The following PTPRG variants were observed in gnomAD, a reference collection of about 807,000 sequenced individuals.
The protein encoded by PTPRG is protein tyrosine phosphatase receptor type G.
Under a neutral mutation model 165.3 loss-of-function variants are expected in PTPRG, and 102 were observed. The ratio of observed to expected loss-of-function variants is 0.62; its 90% CI spans 0.53 to 0.73. The LOEUF is 0.73. Ranked by LOEUF, PTPRG falls within the 30% of genes least tolerant of loss-of-function variation. The pLI, the probability that PTPRG is intolerant of heterozygous loss-of-function variation, is 0.00. For synonymous variants in PTPRG, 675 were observed against 669.5 expected (o/e 1.01, Z -0.13); for missense variants, 1,866 against 1,861.4 (o/e 1.00, Z -0.05).
intron 2 of PTPRG, among the ~76,000 whole-genome samples, chr3:61,913,523 G>C (rs548024722): frequency 5.9e-5 from 9 of 152,032 alleles, no homozygotes; most frequent in Non-Finnish European, 1.3e-4. Flanking sequence ...CCGGCCGAGG[G>C]ACACCTTTTT....
At chr3:62,076,494 TTTTGTTTG>T (rs202043848) in intron 4 of PTPRG, among the ~76,000 whole-genome samples, 92 of 151,850 alleles carry the variant, frequency 6.1e-4, no homozygotes, top group South Asian at 5.6e-3. Flanking sequence ...GTCTGGTTTT[TTTTGTTTG>T]TTTGTTTGTT....
At chr3:61,741,195 G>T (rs188937173) in intron 1 of PTPRG, among the ~76,000 whole-genome samples, 2 of 152,284 alleles carry the variant, frequency 1.3e-5, no homozygotes, top group African/African-American at 4.8e-5. Flanking sequence ...CCATCCTTGA[G>T]GGATCTTTAA....
At chr3:61,913,118 A>G (rs532317168) in intron 2 of PTPRG, among the ~76,000 whole-genome samples, 4 of 152,190 alleles carry the variant, frequency 2.6e-5, no homozygotes, top group Non-Finnish European at 5.9e-5. Context: ...ATATGGATGT[A>G]TTGCATAATG....
chr3:61,603,105 A>C (rs1054989781), intron 1 of PTPRG, among the ~76,000 whole-genome samples: 1 of 152,216 alleles, frequency 6.6e-6, no homozygotes, highest in African/African-American at 2.4e-5. Context: ...CATGGAAATC[A>C]GCAAACACTA....
chr3:62,268,905 C>G (rs1271519047), intron 19 of PTPRG, 130 bp from the exon 20 acceptor site: 5 of 1,035,782 alleles, frequency 4.8e-6, no homozygotes, highest in Non-Finnish European at 6.6e-6. Flanking sequence ...CAGTTAAACT[C>G]ACGTATTCCT....
chr3:62,093,817 G>C (rs1702022879), intron 5 of PTPRG, among the ~76,000 whole-genome samples: 1 of 152,188 alleles, frequency 6.6e-6, no homozygotes, highest in Admixed American at 6.5e-5. Context: ...CATTAAGATG[G>C]ACCTATCCTT....
intron 1 of PTPRG, among the ~76,000 whole-genome samples, chr3:61,661,686 CTCTTT>C (rs1187773159): frequency 2.0e-5 from 3 of 152,096 alleles, no homozygotes; most frequent in East Asian, 3.8e-4. Context: ...TTAATCACTT[CTCTTT>C]TCTTTGTAGT....
At chr3:62,128,364 T>A (rs1378176334) in intron 5 of PTPRG, among the ~76,000 whole-genome samples, 1 of 152,164 alleles carries the variant, frequency 6.6e-6, no homozygotes, top group Non-Finnish European at 1.5e-5. Context: ...CTCATGTGGC[T>A]TTAAAAGGAA....
At chr3:61,815,242 C>CAAAAAAAAAAAAA (rs749800087) in intron 2 of PTPRG, among the ~76,000 whole-genome samples, 1 of 110,160 alleles carries the variant, frequency 9.1e-6, no homozygotes, top group African/African-American at 3.1e-5. Flanking sequence ...ACTAAAAATA[C>CAAAAAAAAAAAAA]AAAAAAAAAA....
intron 4 of PTPRG, among the ~76,000 whole-genome samples, chr3:62,040,234 A>T (rs1327424275): frequency 6.6e-6 from 1 of 152,212 alleles, no homozygotes; most frequent in Non-Finnish European, 1.5e-5. Flanking sequence ...TCCAAGTTTC[A>T]CAAATTGGAG....
At position 62,137,029 on chromosome 3, in the gene PTPRG, C is replaced by T. The variant is rs532341994; in HGVS notation, c.682+4361C>T. Among the ~76,000 whole-genome samples the T allele has an allele frequency of 1.6e-4, 25 of 152,222 alleles. No homozygotes were observed. In the East Asian group the frequency reaches 4.6e-3, roughly 28 times the overall value. ...TTGTGACTTTTACTAACTCAAAAGC[C>T]ATGAGGAAATATAAATAGAATGGAG... On this transcript the variant is annotated intron_variant, in intron 6 of 29. Transcript: ENST00000474889.
chr3:62,066,992 C>G (rs955645232), intron 4 of PTPRG, among the ~76,000 whole-genome samples: 2 of 144,098 alleles, frequency 1.4e-5, no homozygotes, highest in Non-Finnish European at 3.0e-5. Context: ...GAGCCGAGAT[C>G]ACGCCACTGC....
At chr3:62,151,933 C>T (rs1018773590) in intron 6 of PTPRG, among the ~76,000 whole-genome samples, 2 of 152,112 alleles carry the variant, frequency 1.3e-5, no homozygotes, top group Non-Finnish European at 2.9e-5. Flanking sequence ...TGTTATTATC[C>T]CATTTTACAG....
Position 62,267,702 on chromosome 3 carries a change from A to C in PTPRG, c.2757A>C (p.Lys919Asn), listed in dbSNP as rs1347263829. The C allele has an allele frequency of 6.2e-7, 1 of 1,613,206 alleles. No homozygotes were observed. Residue 919 changes from lysine to asparagine, a missense_variant, in exon 19 of 30, where the codon AAA (lysine) becomes AAC (asparagine). Lys to Asn is a moderately conservative substitution (Grantham distance 94, BLOSUM62 0). This residue lies in a region of PTPRG where 1,452 missense variants were observed against 1,463.0 expected (regional missense o/e 0.99). Transcript: ENST00000474889. ...ANYVDGYNKA[K>N]AYIATQGPLK... The stretch of plus-strand genomic sequence containing the variant: ...TTTTGAAGGGTTACAACAAAGCAAA[A>C]GCCTACATTGCCACCCAAGGACCTT...
intron 1 of PTPRG, among the ~76,000 whole-genome samples, chr3:61,606,347 C>G (rs532145300): frequency 6.6e-6 from 1 of 152,244 alleles, no homozygotes; most frequent in East Asian, 1.9e-4. Flanking sequence ...GGTGGGGGTG[C>G]GGGGTGTCAG....
intron 2 of PTPRG, among the ~76,000 whole-genome samples, chr3:61,898,874 C>A (rs1431769687): frequency 6.6e-6 from 1 of 152,116 alleles, no homozygotes; most frequent in African/African-American, 2.4e-5. Context: ...AACATTGTGT[C>A]CCTGGACAAC....
intron 1 of PTPRG, among the ~76,000 whole-genome samples, chr3:61,743,412 T>C (rs2033080117): frequency 6.6e-6 from 1 of 152,232 alleles, no homozygotes; most frequent in South Asian, 2.1e-4. Flanking sequence ...TGGGAGTCAC[T>C]GTATTCTTCC....
At chr3:62,055,642 T>C (rs1374153591) in intron 4 of PTPRG, among the ~76,000 whole-genome samples, 1 of 152,228 alleles carries the variant, frequency 6.6e-6, no homozygotes, top group East Asian at 1.9e-4. Flanking sequence ...TCAAGATGTC[T>C]GTAGGGTTGG....
chr3:61,697,271 C>A (rs527817288), intron 1 of PTPRG, among the ~76,000 whole-genome samples: 1 of 152,042 alleles, frequency 6.6e-6, no homozygotes, highest in African/African-American at 2.4e-5. Flanking sequence ...AACAATACTC[C>A]GAAGTCTCAT....
Sources: gnomAD v4.1 joint callset for allele counts (sites outside exome capture counted in the v4.1 genomes callset) on GRCh38, gnomAD v4.1.1 for gene constraint, gnomAD v4.1.1 regional missense constraint, MANE v1.5 for transcripts, NCBI Gene and HGNC (gene_info 2026-07-23, HGNC 2026-07-21) for gene names.